The following TMEM192 variants were observed in gnomAD, a reference collection of about 807,000 sequenced individuals.
The protein encoded by TMEM192 is transmembrane protein 192.
TMEM192 carries 20 observed loss-of-function variants against 26.7 expected under a neutral mutation model. The ratio of observed to expected loss-of-function variants is 0.75; its 90% CI spans 0.53 to 1.09. TMEM192 has a LOEUF of 1.09. Ranked by LOEUF, TMEM192 falls within the 50% of genes least tolerant of loss-of-function variation. TMEM192 has a pLI of 0.00. For missense variants in TMEM192, 304 were observed against 322.6 expected (o/e 0.94, Z 0.44); for synonymous variants, 124 against 121.0 (o/e 1.02, Z -0.16).
intron 3 of TMEM192, among the ~76,000 whole-genome samples, chr4:165,089,459 C>T (rs1448137596): frequency 6.6e-6 from 1 of 152,098 alleles, no homozygotes; most frequent in Non-Finnish European, 1.5e-5. Context: ...GTAGCTGGGA[C>T]TACAGGCGCC....
At chr4:165,100,592 C>G (rs1195059501) in intron 3 of TMEM192, 36 bp downstream of exon 3, 1 of 1,589,944 alleles carries the variant, frequency 6.3e-7, no homozygotes, top group African/African-American at 1.4e-5. Flanking sequence ...TTTTGTCCCT[C>G]AAGCACCCAA....
chr4:165,089,892 C>T (rs943115331), intron 3 of TMEM192, among the ~76,000 whole-genome samples: 1 of 151,980 alleles, frequency 6.6e-6, no homozygotes, highest in Non-Finnish European at 1.5e-5. Context: ...TATAGAGTTC[C>T]TAAAACCCTT....
intron 3 of TMEM192, among the ~76,000 whole-genome samples, chr4:165,091,337 G>A (rs755057213): frequency 6.6e-6 from 1 of 152,092 alleles, no homozygotes; most frequent in African/African-American, 2.4e-5. Flanking sequence ...GAGTCTTGTG[G>A]GATTGAGCCC....
At chr4:165,088,401 AC>A (rs1409911703) in intron 4 of TMEM192, 66 bp downstream of exon 4, 9 of 1,524,676 alleles carry the variant, frequency 5.9e-6, no homozygotes, top group Non-Finnish European at 7.1e-6. Context: ...AATGGGCTAT[AC>A]TTTAAACTGG....
chr4:165,075,535 T>A lies in TMEM192; in HGVS notation c.*4123A>T, dbSNP rs918367400. On this transcript the variant is annotated 3_prime_UTR_variant, in exon 6 of 6. Coordinates refer to ENST00000306480, the MANE Select transcript of TMEM192 (RefSeq NM_001100389.2). Reference sequence around the variant, plus strand: ...TCCCAAAGTGCTGAGATTACAGGTGTGAGCCACCGTGCCCAGCCGAAATAC... The same window carrying A: ...TCCCAAAGTGCTGAGATTACAGGTGAGAGCCACCGTGCCCAGCCGAAATAC... 6.6e-6 allele frequency: 1 copy of A among 152,120 alleles called. No individual in the cohort carries two copies. Among genetic ancestry groups the A allele is most frequent in the Non-Finnish European group, 1.5e-5 (1 of 68,192 alleles). The allele number at this position is 152,120 out of a possible 1,614,324, so 9.4% of individuals were successfully genotyped here.
At chr4:165,080,228 T>A (rs1486090421) in intron 5 of TMEM192, among the ~76,000 whole-genome samples, 2 of 152,146 alleles carry the variant, frequency 1.3e-5, no homozygotes, top group Non-Finnish European at 2.9e-5. Context: ...ATTTTTGCAT[T>A]TCTCCTTTTT....
chr4:165,088,785 T>C (rs1734685005), intron 3 of TMEM192, among the ~76,000 whole-genome samples, 183 bp from the exon 4 acceptor site: 1 of 151,994 alleles, frequency 6.6e-6, no homozygotes, highest in Non-Finnish European at 1.5e-5. Flanking sequence ...ACACCTGTAA[T>C]GTCAGCATTT....
intron 3 of TMEM192, among the ~76,000 whole-genome samples, chr4:165,092,483 G>A (rs1258994411): frequency 6.6e-6 from 1 of 152,100 alleles, no homozygotes; most frequent in Non-Finnish European, 1.5e-5. Flanking sequence ...TGCCTGGCCT[G>A]TAAATATTCA....
chr4:165,079,611 C>A lies in TMEM192; in HGVS notation c.*47G>T. Reference sequence around the variant, plus strand: ...AGCTTGTCAGGTGGTCAGTCAGTCTCAATTACTCTGGGTTCCTCTGCAATT... The same window carrying A: ...AGCTTGTCAGGTGGTCAGTCAGTCTAAATTACTCTGGGTTCCTCTGCAATT... On this transcript the variant is annotated 3_prime_UTR_variant, in exon 6 of 6. Coordinates refer to ENST00000306480, the MANE Select transcript of TMEM192 (RefSeq NM_001100389.2). 6.4e-7 allele frequency: 1 copy of A among 1,569,636 alleles called. No individual in the cohort carries two copies. The highest frequency in any genetic ancestry group is 1.2e-5 in the South Asian group (1 of 85,956).
chr4:165,095,173 T>C (rs1220440849), intron 3 of TMEM192, among the ~76,000 whole-genome samples: 4 of 151,882 alleles, frequency 2.6e-5, no homozygotes, highest in African/African-American at 7.3e-5. Context: ...CACTATAAGA[T>C]GGGGGAAATA....
In TMEM192 at chr4:165,079,815, T is replaced by C. The variant is rs1212715980; in HGVS notation, c.678-19A>G. 1 of 1,612,018 alleles carries C rather than the reference T, an allele frequency of 6.2e-7. No homozygotes were observed. The highest frequency in any genetic ancestry group is 8.5e-7 in the Non-Finnish European group (1 of 1,179,046). ...AATAGTTCTGCAAGTAATCAAGATA[T>C]AAATGGGTTACACATATTCACCAAT... On this transcript the variant is annotated intron_variant, in intron 5 of 5. Transcript: ENST00000306480.
In TMEM192 at chr4:165,100,803, G is replaced by A; in HGVS notation, c.264C>T (p.Asn88=). ...NEDKCPGNYT[N]PLKVQTVIIL... ...TTATAACCGTCTGAACTTTCAATGG[G>A]TTTGTGTAATTTCCTGGGCACTTGT... is the stretch of plus-strand genomic sequence containing the variant. The change falls in exon 3 of 6, where the codon AAC becomes AAT. Residue 88 remains asparagine, a synonymous_variant. Coordinates refer to ENST00000306480, the MANE Select transcript of TMEM192 (RefSeq NM_001100389.2). 1 of 1,614,018 alleles carries A rather than the reference G, an allele frequency of 6.2e-7. No individual in the cohort carries two copies.
intron 3 of TMEM192, among the ~76,000 whole-genome samples, chr4:165,099,910 C>G (rs560186495): frequency 6.6e-6 from 1 of 152,286 alleles, no homozygotes; most frequent in Admixed American, 6.5e-5. Context: ...GAAGGCCCCA[C>G]TGCCTTTCAG....
intron 1 of TMEM192, among the ~76,000 whole-genome samples, chr4:165,108,094 G>C (rs998019358): frequency 6.1e-5 from 9 of 147,694 alleles, no homozygotes; most frequent in African/African-American, 2.3e-4. Flanking sequence ...TGTGGGTGCT[G>C]GGTATTTTCT....
In TMEM192 at chr4:165,078,335, T is replaced by C. The variant is rs1734435687; in HGVS notation, c.*1323A>G. On this transcript the variant is annotated 3_prime_UTR_variant, in exon 6 of 6. Coordinates refer to ENST00000306480, the MANE Select transcript of TMEM192 (RefSeq NM_001100389.2). ...CCAAAAGTCTTTCTAAGGCAGCATATAACAGTGCTAACAGCAAACTGACAA... is the reference window on the plus strand; with the variant it reads ...CCAAAAGTCTTTCTAAGGCAGCATACAACAGTGCTAACAGCAAACTGACAA... 6.6e-6 allele frequency: 1 copy of C among 152,126 alleles called. No homozygotes were observed. Among genetic ancestry groups the C allele is most frequent in the South Asian group, 2.1e-4 (1 of 4,826 alleles). The allele number at this position is 152,126 out of a possible 1,614,324, so 9.4% of individuals were successfully genotyped here.
rs1734432663 is a variant in TMEM192 at position 165,078,188 on chromosome 4, C to A, written c.*1470G>T. ...TGTGGCCAAATCAATATATCCCTTG[C>A]CTATATAGTTATATCGAACACATCC... On this transcript the variant is annotated 3_prime_UTR_variant, in exon 6 of 6. Transcript: ENST00000306480. The A allele has an allele frequency of 6.6e-6, 1 of 152,140 alleles. No homozygotes were observed. Among genetic ancestry groups the A allele is most frequent in the African/African-American group, 2.4e-5 (1 of 41,442 alleles). The allele number at this position is 152,140 out of a possible 1,614,324, so 9.4% of individuals were successfully genotyped here.
intron 1 of TMEM192, among the ~76,000 whole-genome samples, chr4:165,103,375 C>T (rs950735077): frequency 2.0e-5 from 3 of 151,960 alleles, no homozygotes; most frequent in South Asian, 2.1e-4. Context: ...GAGACAGTCT[C>T]GCTCTGTTGC....
chr4:165,077,978 G>A lies in TMEM192; in HGVS notation c.*1680C>T, dbSNP rs376512534. ...ACAGTGTCTCATTGTTGCCCAGGCT[G>A]GTCTCAAACTCCTGGCCTTGAGTGA... is the stretch of plus-strand genomic sequence containing the variant. On this transcript the variant is annotated 3_prime_UTR_variant, in exon 6 of 6. Coordinates refer to ENST00000306480, the MANE Select transcript of TMEM192 (RefSeq NM_001100389.2). 1.7e-4 allele frequency: 25 copies of A among 148,998 alleles called. No homozygotes were observed. Among genetic ancestry groups the A allele is most frequent in the African/African-American group, 4.7e-4 (19 of 40,400 alleles). 9.2% of individuals were successfully genotyped at this position (148,998 alleles called of 1,614,324 possible).
intron 3 of TMEM192, among the ~76,000 whole-genome samples, chr4:165,091,645 A>G (rs114846778): frequency 1.3e-3 from 200 of 152,334 alleles, no homozygotes; most frequent in African/African-American, 4.5e-3. Context: ...GTTAAAGGAT[A>G]AAAACAAAAT....
Sources: gnomAD v4.1 joint callset for allele counts (sites outside exome capture counted in the v4.1 genomes callset) on GRCh38, gnomAD v4.1.1 for gene constraint, MANE v1.5 for transcripts, NCBI Gene and HGNC (gene_info 2026-07-23, HGNC 2026-07-21) for gene names.